Variants in MAMDC2 observed in about 807,000 individuals in gnomAD.
MAMDC2 encodes MAM domain-containing protein 2.
In MAMDC2, 57 loss-of-function variants were observed where a neutral mutation model predicts 89.8. That is an observed-to-expected ratio of 0.63 (90% CI 0.51 to 0.79). The LOEUF is 0.79. MAMDC2 is among the 30% of genes least tolerant of loss of function. MAMDC2 has a pLI of 0.00. For missense variants in MAMDC2, 800 were observed against 820.6 expected (o/e 0.97, Z 0.31); for synonymous variants, 313 against 293.4 (o/e 1.07, Z -0.68).
intron 9 of MAMDC2, among the ~76,000 whole-genome samples, chr9:70,144,999 T>C (rs2031352958): frequency 6.6e-6 from 1 of 152,226 alleles, no homozygotes; most frequent in African/African-American, 2.4e-5. Context: ...TTTGTTTCCA[T>C]TGCTAGGTAA....
chr9:70,151,680 G>A (rs1453340758), intron 9 of MAMDC2, among the ~76,000 whole-genome samples: 1 of 152,122 alleles, frequency 6.6e-6, no homozygotes, highest in Non-Finnish European at 1.5e-5. Flanking sequence ...CGCACCTGGA[G>A]AAAATGAGGC....
chr9:70,048,061 A>AG (rs146415192), intron 2 of MAMDC2, among the ~76,000 whole-genome samples: 29,965 of 152,088 alleles, frequency 0.2, 2,983 homozygotes, highest in Admixed American at 0.21. Flanking sequence ...CAGGTGCACC[A>AG]TACAGGGCAT....
intron 11 of MAMDC2, among the ~76,000 whole-genome samples, chr9:70,190,293 G>T (rs2032851058): frequency 1.3e-5 from 2 of 152,106 alleles, no homozygotes; most frequent in Admixed American, 1.3e-4. Flanking sequence ...TTTGCTTAGT[G>T]ACTTTCCTAG....
intron 7 of MAMDC2, among the ~76,000 whole-genome samples, chr9:70,137,117 C>A (rs1165472991): frequency 6.6e-6 from 1 of 151,366 alleles, no homozygotes; most frequent in Non-Finnish European, 1.5e-5. Flanking sequence ...TTTACCTAAT[C>A]TTTTTTTTTG....
intron 9 of MAMDC2, among the ~76,000 whole-genome samples, chr9:70,145,348 C>A (rs887445246): frequency 3.9e-5 from 6 of 152,138 alleles, no homozygotes; most frequent in African/African-American, 1.4e-4. Flanking sequence ...ATTGCCTAGA[C>A]AATATCAAAT....
intron 11 of MAMDC2, among the ~76,000 whole-genome samples, chr9:70,215,962 G>C (rs1054899035): frequency 2.0e-5 from 3 of 152,076 alleles, no homozygotes; most frequent in Non-Finnish European, 2.9e-5. Flanking sequence ...GGCCTCCCAG[G>C]CACATAGAGG....
chr9:70,097,066 C>T lies in MAMDC2; in HGVS notation c.149-11145C>T, dbSNP rs527825589. On this transcript the variant is annotated intron_variant, in intron 2 of 13. Transcript: ENST00000377182. ...TGTCCCATGTGGTCTTCTCCCAGGA[C>T]CAGGCAGATATTGCTAATCAATAGT... Among the ~76,000 whole-genome samples the T allele has an allele frequency of 3.3e-5, 5 of 152,232 alleles. No homozygotes were observed. In the South Asian group the frequency reaches 6.2e-4, roughly 19 times the overall value.
At chr9:70,099,875 TG>T (rs1440997844) in intron 2 of MAMDC2, among the ~76,000 whole-genome samples, 1 of 151,926 alleles carries the variant, frequency 6.6e-6, no homozygotes, top group Non-Finnish European at 1.5e-5. Flanking sequence ...CTTGGGAGGC[TG>T]AGGCAGGAGA....
chr9:70,162,536 G>C (rs1315933947), intron 9 of MAMDC2, among the ~76,000 whole-genome samples: 1 of 138,414 alleles, frequency 7.2e-6, no homozygotes, highest in African/African-American at 2.5e-5. Flanking sequence ...TGTCACCCAG[G>C]CTGGAGTGCA....
chr9:70,100,099 GGTAACCATCAGAA>G (rs1828142305), intron 2 of MAMDC2, among the ~76,000 whole-genome samples: 1 of 151,668 alleles, frequency 6.6e-6, no homozygotes, highest in South Asian at 2.1e-4. Flanking sequence ...GACGAGGTGG[GGTAACCATCAGAA>G]GAGGATGCTG....
intron 5 of MAMDC2, among the ~76,000 whole-genome samples, chr9:70,122,223 T>A (rs541966651): frequency 6.6e-6 from 1 of 152,220 alleles, no homozygotes; most frequent in African/African-American, 2.4e-5. Context: ...GCAGTCTTGG[T>A]CTTATTCCCA....
intron 9 of MAMDC2, among the ~76,000 whole-genome samples, chr9:70,156,607 T>C (rs1021111555): frequency 2.0e-5 from 3 of 152,142 alleles, no homozygotes; most frequent in Non-Finnish European, 4.4e-5. Context: ...GACAAGATAA[T>C]CAACACATTA....
At chr9:70,054,100 C>A (rs1826972930) in intron 2 of MAMDC2, among the ~76,000 whole-genome samples, 1 of 152,100 alleles carries the variant, frequency 6.6e-6, no homozygotes, top group African/African-American at 2.4e-5. Context: ...AAGATATGAT[C>A]AGTTCTGAGC....
chr9:70,221,380 T>TATATATATAGAGAGAG lies in MAMDC2; in HGVS notation c.1911+2785_1911+2786insTATATATAGAGAGAGA. On this transcript the variant is annotated intron_variant, in intron 12 of 13. Coordinates refer to ENST00000377182, the MANE Select transcript of MAMDC2 (RefSeq NM_153267.5). Reference sequence around the variant, plus strand: ...AAATATATATATATATATATATATATAGAGAGAGAGAGAGAGAGAGAGAGA... The same window carrying TATATATATAGAGAGAG: ...AAATATATATATATATATATATATATATATATATAGAGAGAGAGAGAGAGAGAGAGAGAGAGAGAGA... Among the ~76,000 whole-genome samples, 10 of 7,042 alleles carry TATATATATAGAGAGAG rather than the reference T, an allele frequency of 1.4e-3. 2 individuals are homozygous for TATATATATAGAGAGAG. In the East Asian group the frequency reaches 0.039, roughly 28 times the overall value. 4.6% of individuals were successfully genotyped at this position (7,042 alleles called of 152,430 possible).
intron 2 of MAMDC2, among the ~76,000 whole-genome samples, chr9:70,079,579 T>G (rs1484445053): frequency 6.6e-6 from 1 of 152,182 alleles, no homozygotes; most frequent in Admixed American, 6.5e-5. Flanking sequence ...GTTTGCTTTC[T>G]GGTCAGCCTC....
chr9:70,191,198 G>T (rs1316891737), intron 11 of MAMDC2, among the ~76,000 whole-genome samples: 1 of 152,064 alleles, frequency 6.6e-6, no homozygotes, highest in East Asian at 1.9e-4. Flanking sequence ...CCAGAATTCT[G>T]AAAAAGTTTA....
chr9:70,210,989 C>T (rs1391177403), intron 11 of MAMDC2, among the ~76,000 whole-genome samples: 3 of 152,088 alleles, frequency 2.0e-5, no homozygotes, highest in South Asian at 2.1e-4. Context: ...GAGTTTCTGC[C>T]AAGAGATCAG....
chr9:70,200,489 T>G (rs1298524009), intron 11 of MAMDC2, among the ~76,000 whole-genome samples: 1,678 of 150,568 alleles, frequency 0.011, 14 homozygotes, highest in Admixed American at 0.017. Context: ...GTAGCGTGAT[T>G]CCTCCAGCTT....
At chr9:70,207,749 G>GT (rs915508267) in intron 11 of MAMDC2, among the ~76,000 whole-genome samples, 45 of 152,236 alleles carry the variant, frequency 3.0e-4, no homozygotes, top group African/African-American at 1.0e-3. Flanking sequence ...TTCTTCTAGG[G>GT]TTTTTATGGT....
Sources: gnomAD v4.1 joint callset for allele counts (sites outside exome capture counted in the v4.1 genomes callset) on GRCh38, gnomAD v4.1.1 for gene constraint, MANE v1.5 for transcripts, NCBI Gene and HGNC (gene_info 2026-07-23, HGNC 2026-07-21) for gene names.